The following DAPK3 variants were observed in gnomAD, a reference collection of about 807,000 sequenced individuals.
The protein encoded by DAPK3 is death associated protein kinase 3.
Under a neutral mutation model 30.6 loss-of-function variants are expected in DAPK3, and 24 were observed. The ratio of observed to expected loss-of-function variants is 0.78; its 90% CI spans 0.57 to 1.10. The LOEUF (loss-of-function observed/expected upper bound fraction) is 1.10, where lower values mean the gene tolerates loss of function less well. DAPK3 is among the 50% of genes least tolerant of loss of function. DAPK3 has a pLI of 0.00. For missense variants in DAPK3, 629 were observed against 657.3 expected (o/e 0.96, Z 0.47); for synonymous variants, 341 against 284.0 (o/e 1.20, Z -2.02).
Position 3,960,040 on chromosome 19 carries a change from C to A in DAPK3, c.828+19G>T, listed in dbSNP as rs1793136387. 5.0e-6 allele frequency: 7 copies of A among 1,408,762 alleles called. No individual in the cohort carries two copies. In the African/African-American group the frequency reaches 5.6e-5, roughly 11 times the overall value. The allele number at this position is 1,408,762 out of a possible 1,614,324, so 87.3% of individuals were successfully genotyped here. ...GCCAAGGCGGGAAGCCCAGGGAGCT[C>A]CCCCACCTCCCCACTTACCTTAATC... On this transcript the variant is annotated intron_variant, in intron 8 of 8. Transcript: ENST00000545797.
At position 3,971,059 on chromosome 19, in the gene DAPK3, C is replaced by G. The variant is rs1014144954; in HGVS notation, c.-233G>C. ...GGAGAATACGGCCGGCGCCGCCGCG[C>G]TGGCCACCGCCGCCGCCTCCAGAAG... On this transcript the variant is annotated 5_prime_UTR_variant, in exon 1 of 9. Coordinates refer to ENST00000545797, the MANE Select transcript of DAPK3 (RefSeq NM_001348.3). The G allele has an allele frequency of 6.5e-6, 1 of 154,324 alleles. No homozygotes were observed. The highest frequency in any genetic ancestry group is 1.4e-5 in the Non-Finnish European group (1 of 69,348). The allele number at this position is 154,324 out of a possible 1,614,324, so 9.6% of individuals were successfully genotyped here.
chr19:3,964,117 G>T, intron 4 of DAPK3, 127 bp downstream of exon 4: 1 of 935,178 alleles, frequency 1.1e-6, no homozygotes, highest in Non-Finnish European at 1.6e-6. Flanking sequence ...GCAAAGCCGG[G>T]CCCAAGAGGG....
chr19:3,964,678 C>T lies in DAPK3; in HGVS notation c.376G>A (p.Gly126Ser), dbSNP rs773267403. The change falls in exon 3 of 9, where the codon GGC becomes AGC. Residue 126 changes from glycine (G) to serine (S), a missense_variant. Around this residue, in one of 2 missense-constraint regions of DAPK3, gnomAD observed 306 missense variants for 378.5 expected, o/e 0.81. Coordinates refer to ENST00000545797, the MANE Select transcript of DAPK3 (RefSeq NM_001348.3). ...ATQFLKQILDGVHYLHSKRIA... is the reference protein window; with the variant it reads ...ATQFLKQILDSVHYLHSKRIA... ...CGCTTAGAGTGCAGGTAGTGAACGC[C>T]GTCCAGGATCTGCTTGAGGAACTGG... is the stretch of plus-strand genomic sequence containing the variant. 11 of 1,611,890 alleles carry T rather than the reference C, an allele frequency of 6.8e-6. No individual in the cohort carries two copies. Among genetic ancestry groups the T allele is most frequent in the African/African-American group, 4.0e-5 (3 of 74,378 alleles).
rs1399175519 is a variant in DAPK3, at chr19:3,959,385, C to T, written c.1081G>A (p.Glu361Lys). 1.3e-6 allele frequency: 2 copies of T among 1,574,078 alleles called. No homozygotes were observed. Among genetic ancestry groups the T allele is most frequent in the Non-Finnish European group, 8.6e-7 (1 of 1,167,780 alleles). ...TCGCGGTACCAGGCCTCCTTCTCCT[C>T]GTAGATGGCGGCCAGCGCCTCCACG... ...EDVEALAAIY[E>K]EKEAWYREES... Residue 361 changes from glutamate (E) to lysine (K), a missense_variant, in exon 9 of 9, where the codon GAG becomes AAG. Transcript: ENST00000545797.
rs1371529525 is a variant in DAPK3, at chr19:3,959,536, G to A, written c.930C>T (p.His310=). ...AGCTGTTGTTGGGCGGCAAGCTGGA[G>A]TGCGACTTGATGGTGTACTCCTTCA... The part of the protein sequence containing the change: ...TRLKEYTIKS[H]SSLPPNNSYA... Residue 310 remains histidine, a synonymous_variant, in exon 9 of 9, where the codon CAC becomes CAT. Transcript: ENST00000545797. 6.3e-7 allele frequency: 1 copy of A among 1,576,392 alleles called. No homozygotes were observed. The highest frequency in any genetic ancestry group is 8.5e-7 in the Non-Finnish European group (1 of 1,169,694).
At chr19:3,969,919 G>C in intron 1 of DAPK3, 90 bp from the exon 2 acceptor site, 1 of 585,666 alleles carries the variant, frequency 1.7e-6, no homozygotes, top group Non-Finnish European at 3.0e-6. Context: ...GCAAACACAA[G>C]CCTCCCACCT....
intron 8 of DAPK3, 190 bp from the exon 9 acceptor site, chr19:3,959,827 G>A (rs1247815737): frequency 2.8e-6 from 2 of 704,214 alleles, no homozygotes; most frequent in Non-Finnish European, 4.6e-6. Flanking sequence ...CCTGGCCCCA[G>A]GAGTCAGCCC....
chr19:3,963,294 C>A (rs1276612593), intron 6 of DAPK3, among the ~76,000 whole-genome samples: 1 of 152,100 alleles, frequency 6.6e-6, no homozygotes, highest in East Asian at 1.9e-4. Flanking sequence ...CAACAGCAGG[C>A]CCACGTGTGG....
Position 3,959,340 on chromosome 19 carries a change from G to T in DAPK3, c.1126C>A (p.Gln376Lys). ...TCCTGCCGTAGCCTCCGCAGGTCCT[G>T]GCCCAGGCTGTCGCTCTCCTCGCGG... ...WYREESDSLGQDLRRLRQELL... is the reference protein window; with the variant it reads ...WYREESDSLGKDLRRLRQELL... Residue 376 changes from glutamine (Q) to lysine (K), a missense_variant, in exon 9 of 9, where the codon CAG (glutamine) becomes AAG (lysine). Gln to Lys is a moderately conservative substitution (Grantham distance 53, BLOSUM62 1). Coordinates refer to ENST00000545797, the MANE Select transcript of DAPK3 (RefSeq NM_001348.3). The T allele has an allele frequency of 6.3e-7, 1 of 1,589,948 alleles. No individual in the cohort carries two copies. The highest frequency in any genetic ancestry group is 8.5e-7 in the Non-Finnish European group (1 of 1,175,566).
chr19:3,959,412 C>T lies in DAPK3; in HGVS notation c.1054G>A (p.Asp352Asn), dbSNP rs1047724607. 7 of 1,561,190 alleles carry T rather than the reference C, an allele frequency of 4.5e-6. No individual in the cohort carries two copies. The highest frequency in any genetic ancestry group is 1.3e-5 in the African/African-American group (1 of 74,282). Residue 352 changes from aspartate to asparagine, a missense_variant, in exon 9 of 9, where the codon GAC (aspartate) becomes AAC (asparagine). Coordinates refer to ENST00000545797, the MANE Select transcript of DAPK3 (RefSeq NM_001348.3). Reference protein sequence around the residue: ...LQRSRRLCHEDVEALAAIYEE... With the variant: ...LQRSRRLCHENVEALAAIYEE... The stretch of plus-strand genomic sequence containing the variant: ...TAGATGGCGGCCAGCGCCTCCACGT[C>T]CTCGTGGCAGAGCCGCCGGCTGCGC...
In DAPK3 at chr19:3,958,524, CGA is replaced by C; in HGVS notation, c.*575_*576del. ...CTTGCCTAGGCGTCCACAGGCGCGA[CGA>C]TGGGGCTCGCGGAGGAGTCCGCAGC... On this transcript the variant is annotated 3_prime_UTR_variant, in exon 9 of 9. Transcript: ENST00000545797. 1 of 456,848 alleles carries C rather than the reference CGA, an allele frequency of 2.2e-6. No individual in the cohort carries two copies. The highest frequency in any genetic ancestry group is 1.5e-5 in the South Asian group (1 of 64,566). The allele number at this position is 456,848 out of a possible 1,614,324, so 28.3% of individuals were successfully genotyped here.
In DAPK3 at chr19:3,959,785, C is replaced by G. The variant is rs1025949648; in HGVS notation, c.829-148G>C. The G allele has an allele frequency of 5.3e-6, 5 of 944,228 alleles. No homozygotes were observed. The East Asian group carries it at 7.9e-5, about 15-fold the overall frequency. 58.5% of individuals were successfully genotyped at this position (944,228 alleles called of 1,614,324 possible). ...GAGACTGCCCAGCCCGACGCAAAGC[C>G]GAGAGTGCTCTCTCGAGAAAAACGC... On this transcript the variant is annotated intron_variant, in intron 8 of 8. Coordinates refer to ENST00000545797, the MANE Select transcript of DAPK3 (RefSeq NM_001348.3).
At position 3,961,028 on chromosome 19, in the gene DAPK3, G is replaced by T. The variant is rs1187817863; in HGVS notation, c.763C>A (p.Leu255Met). Residue 255 changes from leucine to methionine, a missense_variant, in exon 7 of 9, where the codon CTG becomes ATG. Transcript: ENST00000545797. ...TCGTACTTGGGATCTTTGACGAGCA[G>T]CCGGCGAATGAAGTCCTTGGCCAGC... ...SELAKDFIRR[L>M]LVKDPKRRMT... 3.1e-6 allele frequency: 5 copies of T among 1,613,746 alleles called. No homozygotes were observed. The highest frequency in any genetic ancestry group is 4.2e-6 in the Non-Finnish European group (5 of 1,179,930).
intron 2 of DAPK3, among the ~76,000 whole-genome samples, chr19:3,966,506 C>G (rs763475315): frequency 6.6e-6 from 1 of 152,176 alleles, no homozygotes; most frequent in South Asian, 2.1e-4. Flanking sequence ...TCCAGGCTCG[C>G]GGCAGGGGCC....
At position 3,963,865 on chromosome 19, in the gene DAPK3, A is replaced by C. The variant is rs1361033143; in HGVS notation, c.602+6T>G. The C allele has an allele frequency of 4.4e-6, 7 of 1,573,746 alleles. No homozygotes were observed. The highest frequency in any genetic ancestry group is 3.3e-4 in the Middle Eastern group (2 of 6,020). On this transcript the variant is annotated splice_donor_region_variant and intron_variant, in intron 5 of 8. Transcript: ENST00000545797. Reference sequence around the variant, plus strand: ...GAGGCCCGGTGGGAGCAGGTGGTACACTCACCACATGTCCGCCTCCAGGCC... The same window carrying C: ...GAGGCCCGGTGGGAGCAGGTGGTACCCTCACCACATGTCCGCCTCCAGGCC...
rs2039549952 is a variant in DAPK3 at position 3,964,231 on chromosome 19, G to A, written c.553+13C>T. ...CTCCCCAGGCCGGGGCTGCCCACTG[G>A]GCAGGGCCTCACCCACAAACTCCGG... On this transcript the variant is annotated intron_variant, in intron 4 of 8. Transcript: ENST00000545797. 1 of 1,602,836 alleles carries A rather than the reference G, an allele frequency of 6.2e-7. No individual in the cohort carries two copies. The highest frequency in any genetic ancestry group is 1.3e-5 in the African/African-American group (1 of 74,684).
chr19:3,959,539 C>T lies in DAPK3; in HGVS notation c.927G>A (p.Ser309=), dbSNP rs1363949304. 6.3e-7 allele frequency: 1 copy of T among 1,576,610 alleles called. No homozygotes were observed. The highest frequency in any genetic ancestry group is 1.8e-5 in the Admixed American group (1 of 55,972). Residue 309 remains serine (S), a synonymous_variant, in exon 9 of 9, where the codon TCG becomes TCA. Coordinates refer to ENST00000545797, the MANE Select transcript of DAPK3 (RefSeq NM_001348.3). The stretch of plus-strand genomic sequence containing the variant: ...TGTTGTTGGGCGGCAAGCTGGAGTG[C>T]GACTTGATGGTGTACTCCTTCAGAC... The part of the protein sequence containing the change: ...TTRLKEYTIK[S]HSSLPPNNSY...
At chr19:3,964,417 C>T (rs770249658) in intron 3 of DAPK3, 44 bp from the exon 4 acceptor site, 6 of 1,556,334 alleles carry the variant, frequency 3.9e-6, no homozygotes, top group Admixed American at 3.4e-5. Context: ...GGGCCTCCCC[C>T]ACCCTCACCC....
intron 2 of DAPK3, among the ~76,000 whole-genome samples, chr19:3,969,052 G>A (rs1340701599): frequency 2.0e-5 from 3 of 152,094 alleles, no homozygotes; most frequent in Admixed American, 6.5e-5. Flanking sequence ...TGGGAGACAC[G>A]CCCCTCCCTC....
Sources: gnomAD v4.1 joint callset for allele counts (sites outside exome capture counted in the v4.1 genomes callset) on GRCh38, gnomAD v4.1.1 for gene constraint, gnomAD v4.1.1 regional missense constraint, MANE v1.5 for transcripts, NCBI Gene and HGNC (gene_info 2026-07-23, HGNC 2026-07-21) for gene names.